Variants in AGMO observed in about 807,000 individuals in gnomAD.
AGMO encodes the protein alkylglycerol monooxygenase.
In AGMO, 75 loss-of-function variants were observed where a neutral mutation model predicts 60.2. That is an observed-to-expected ratio of 1.25 (90% CI 1.03 to 1.51). The LOEUF (loss-of-function observed/expected upper bound fraction) is 1.51. Among genes scored for constraint, AGMO ranks in the 40% most tolerant of loss-of-function variants. AGMO has a pLI of 0.00. For missense variants in AGMO, 763 were observed against 525.5 expected, an observed-to-expected ratio of 1.45 and a Z score of -4.42; for synonymous variants, 261 against 177.1, an observed-to-expected ratio of 1.47 and a Z score of -3.76.
intron 3 of AGMO, among the ~76,000 whole-genome samples, chr7:15,443,024 A>G (rs1412749011): frequency 6.6e-6 from 1 of 152,144 alleles, no homozygotes; most frequent in African/African-American, 2.4e-5. Flanking sequence ...GGGAAAACCA[A>G]CTTCCCACTC....
chr7:15,195,295 GAGCA>G, the AGMO span, among the ~76,000 whole-genome samples: 2 of 152,270 alleles, frequency 1.3e-5, no homozygotes, highest in African/African-American at 2.4e-5. Context: ...GGTTTAATAG[GAGCA>G]AGAAAGAGAA....
intron 3 of AGMO, among the ~76,000 whole-genome samples, chr7:15,475,907 C>A (rs2128514979): frequency 6.6e-6 from 1 of 152,162 alleles, no homozygotes; most frequent in East Asian, 1.9e-4. Context: ...AACATATTTA[C>A]TCATTTCTGT....
chr7:15,536,312 T>TA (rs1784483057), intron 3 of AGMO, among the ~76,000 whole-genome samples: 1 of 151,884 alleles, frequency 6.6e-6, no homozygotes, highest in African/African-American at 2.4e-5. Flanking sequence ...TACTTTTTTT[T>TA]ACCACTATAC....
At chr7:15,152,368 A>G in the AGMO span, among the ~76,000 whole-genome samples, 38 of 152,180 alleles carry the variant, frequency 2.5e-4, no homozygotes, top group Non-Finnish European at 4.4e-4. Context: ...TTTTATTTCA[A>G]TAAGTTTTTG....
At chr7:15,305,340 C>T (rs1327924012) in intron 12 of AGMO, among the ~76,000 whole-genome samples, 3 of 151,650 alleles carry the variant, frequency 2.0e-5, no homozygotes, top group East Asian at 3.9e-4. Flanking sequence ...TTTTCCATAT[C>T]CCCATCTCTC....
intron 12 of AGMO, among the ~76,000 whole-genome samples, chr7:15,251,598 G>A (rs1782940653): frequency 6.6e-6 from 1 of 152,112 alleles, no homozygotes; most frequent in South Asian, 2.1e-4. Flanking sequence ...CTATTAGTAG[G>A]GTGACTTTTT....
chr7:15,344,988 T>TC (rs1446436646), intron 12 of AGMO, among the ~76,000 whole-genome samples: 3 of 152,194 alleles, frequency 2.0e-5, no homozygotes, highest in African/African-American at 7.2e-5. Flanking sequence ...TATGGCTCTA[T>TC]CCTTACAGTG....
intron 10 of AGMO, among the ~76,000 whole-genome samples, chr7:15,374,121 G>A (rs895639018): frequency 1.3e-5 from 2 of 152,178 alleles, no homozygotes; most frequent in Non-Finnish European, 2.9e-5. Flanking sequence ...CACAAGAGCA[G>A]AATCCAATGT....
At chr7:15,331,834 G>A (rs1380635331) in intron 12 of AGMO, among the ~76,000 whole-genome samples, 2 of 151,870 alleles carry the variant, frequency 1.3e-5, no homozygotes, top group African/African-American at 4.8e-5. Flanking sequence ...GCTGAGGCAA[G>A]AAAATTGCTT....
At chr7:15,439,650 T>C (rs1030218008) in intron 3 of AGMO, among the ~76,000 whole-genome samples, 1 of 152,226 alleles carries the variant, frequency 6.6e-6, no homozygotes, top group Non-Finnish European at 1.5e-5. Flanking sequence ...CCCTTGTTCT[T>C]TGAGCATCAC....
chr7:15,536,057 C>T (rs2128544481), intron 3 of AGMO, among the ~76,000 whole-genome samples: 1 of 151,820 alleles, frequency 6.6e-6, no homozygotes, highest in South Asian at 2.1e-4. Flanking sequence ...TAGTCTAGTA[C>T]CTAACAATAT....
chr7:15,450,880 T>C (rs957691904), intron 3 of AGMO, among the ~76,000 whole-genome samples: 1 of 152,088 alleles, frequency 6.6e-6, no homozygotes, highest in Non-Finnish European at 1.5e-5. Flanking sequence ...ATATTAATAA[T>C]AAAATTAAAT....
chr7:15,405,264 C>G (rs956284103), intron 5 of AGMO, among the ~76,000 whole-genome samples: 1 of 151,810 alleles, frequency 6.6e-6, no homozygotes. Flanking sequence ...ACAATCAGTG[C>G]GTTCATTCAT....
chr7:15,317,981 T>C (rs1339993789), intron 12 of AGMO, among the ~76,000 whole-genome samples: 2 of 149,300 alleles, frequency 1.3e-5, no homozygotes, highest in East Asian at 2.0e-4. Flanking sequence ...CACACACGTA[T>C]ATATATATAC....
intron 3 of AGMO, among the ~76,000 whole-genome samples, chr7:15,516,211 A>G (rs1783802851): frequency 6.6e-6 from 1 of 152,188 alleles, no homozygotes; most frequent in Non-Finnish European, 1.5e-5. Context: ...AATAACAACA[A>G]TAAAGATTGC....
chr7:15,256,468 G>A (rs185874770), intron 12 of AGMO, among the ~76,000 whole-genome samples: 9 of 152,046 alleles, frequency 5.9e-5, no homozygotes, highest in Admixed American at 2.0e-4. Flanking sequence ...TCAGCCTCCC[G>A]AGTAGCTGGG....
chr7:15,541,258 G>T (rs1461098198), intron 3 of AGMO, among the ~76,000 whole-genome samples: 2 of 152,084 alleles, frequency 1.3e-5, no homozygotes, highest in African/African-American at 4.8e-5. Flanking sequence ...GAGTAGCTGG[G>T]ATTACAGGCG....
At chr7:15,347,172 T>A (rs1583436109) in intron 12 of AGMO, among the ~76,000 whole-genome samples, 1 of 152,164 alleles carries the variant, frequency 6.6e-6, no homozygotes, top group East Asian at 1.9e-4. Context: ...AATGTTACTG[T>A]CTTTTTGTAT....
At chr7:15,384,159 G>C (rs988089485) in intron 10 of AGMO, among the ~76,000 whole-genome samples, 9 of 151,960 alleles carry the variant, frequency 5.9e-5, no homozygotes, top group African/African-American at 1.5e-4. Context: ...GGATGGTCTC[G>C]ATCTCCTGAC....
Sources: gnomAD v4.1 joint callset for allele counts (sites outside exome capture counted in the v4.1 genomes callset) on GRCh38, gnomAD v4.1.1 for gene constraint, MANE v1.5 for transcripts, NCBI Gene and HGNC (gene_info 2026-07-23, HGNC 2026-07-21) for gene names.